The following ALDH9A1 variants were observed in gnomAD, a reference collection of about 807,000 sequenced individuals.
The protein encoded by ALDH9A1 is aldehyde dehydrogenase 9 family member A1.
A neutral mutation model predicts 56.6 loss-of-function variants in ALDH9A1; 42 were observed. The observed-to-expected ratio is 0.74, with a 90% CI of 0.58 to 0.96. The LOEUF is 0.96. Ranked by LOEUF, ALDH9A1 falls within the 40% of genes least tolerant of loss-of-function variation. The pLI is 0.00. For synonymous variants in ALDH9A1, 242 were observed against 236.0 expected, an observed-to-expected ratio of 1.03 and a Z score of -0.23; for missense variants, 661 against 651.5, an observed-to-expected ratio of 1.01 and a Z score of -0.16.
At position 165,662,366 on chromosome 1, in the gene ALDH9A1, G is replaced by C. The variant is rs1015428991; in HGVS notation, c.*684C>G. 7 of 152,388 alleles carry C rather than the reference G, an allele frequency of 4.6e-5. No individual in the cohort carries two copies. The East Asian group carries it at 1.3e-3, about 29-fold the overall frequency. 9.4% of individuals were successfully genotyped at this position (152,388 alleles called of 1,614,324 possible). ...GAGATAGATTTCCTCTATCGCAGTA[G>C]TGAACAGAGACAAAGTGCTTACTAG... On this transcript the variant is annotated 3_prime_UTR_variant, in exon 11 of 11. Coordinates refer to ENST00000354775, the MANE Select transcript of ALDH9A1 (RefSeq NM_000696.4).
Position 165,682,142 on chromosome 1 carries a change from A to G in ALDH9A1, c.557T>C (p.Ile186Thr), listed in dbSNP as rs371946171. The change falls in exon 4 of 11, where the codon ATT (isoleucine) becomes ACT (threonine). Residue 186 changes from isoleucine (I) to threonine (T), a missense_variant. Transcript: ENST00000354775. ...TGCTGGAGCCGACTTCCAAGAGGCA[A>G]TCTGAAAGGGGTAGTTCCATGCTCC... Reference protein sequence around the residue: ...GIGAWNYPFQIASWKSAPALA... With the variant: ...GIGAWNYPFQTASWKSAPALA... The G allele has an allele frequency of 6.2e-7, 1 of 1,614,040 alleles. No individual in the cohort carries two copies. Among genetic ancestry groups the G allele is most frequent in the Non-Finnish European group, 8.5e-7 (1 of 1,179,996 alleles).
Position 165,683,028 on chromosome 1 carries a change from G to A in ALDH9A1, c.410C>T (p.Ser137Phe). 3 of 1,614,096 alleles carry A rather than the reference G, an allele frequency of 1.9e-6. No individual in the cohort carries two copies. The highest frequency in any genetic ancestry group is 1.7e-6 in the Non-Finnish European group (2 of 1,179,998). Reference sequence around the variant, plus strand: ...CGCATAATACTCCAGGCACTGCCAGGAAATGTCAATGTCCAAGCGGGCCTC... The same window carrying A: ...CGCATAATACTCCAGGCACTGCCAGAAAATGTCAATGTCCAAGCGGGCCTC... The part of the protein sequence containing the change: ...IFEARLDIDI[S>F]WQCLEYYAGL... The change falls in exon 3 of 11, where the codon TCC becomes TTC. Residue 137 changes from serine to phenylalanine, a missense_variant. Ser to Phe is a radical substitution (Grantham distance 155). Transcript: ENST00000354775.
rs1168289983 is a variant in ALDH9A1, at chr1:165,662,758, A to G, written c.*292T>C. On this transcript the variant is annotated 3_prime_UTR_variant, in exon 11 of 11. Coordinates refer to ENST00000354775, the MANE Select transcript of ALDH9A1 (RefSeq NM_000696.4). ...GGGCCAAATGTGTGGAAGATGTATTATCCTAGTCTCTTTTCCTGTTCTCTA... is the reference window on the plus strand; with the variant it reads ...GGGCCAAATGTGTGGAAGATGTATTGTCCTAGTCTCTTTTCCTGTTCTCTA... The G allele has an allele frequency of 2.9e-6, 1 of 346,774 alleles. No individual in the cohort carries two copies. The highest frequency in any genetic ancestry group is 5.4e-6 in the Non-Finnish European group (1 of 185,210). 21.5% of individuals were successfully genotyped at this position (346,774 alleles called of 1,614,324 possible).
At chr1:165,677,663 C>A (rs1170378003) in intron 6 of ALDH9A1, among the ~76,000 whole-genome samples, 1 of 151,914 alleles carries the variant, frequency 6.6e-6, no homozygotes, top group Non-Finnish European at 1.5e-5. Context: ...TCCAGACCAT[C>A]CTGGCTAACA....
Position 165,670,377 on chromosome 1 carries a change from C to T in ALDH9A1, c.931-927G>A, listed in dbSNP as rs1649138256. On this transcript the variant is annotated intron_variant, in intron 6 of 10. Coordinates refer to ENST00000354775, the MANE Select transcript of ALDH9A1 (RefSeq NM_000696.4). ...GAGCCTAAGAGGTCAAGGATACACA[C>T]AGTGAACCCTGACTGCGTCACTGCA... Among the ~76,000 whole-genome samples, 2 of 151,550 alleles carry T rather than the reference C, an allele frequency of 1.3e-5. 1 individual carries two copies. Among genetic ancestry groups the T allele is most frequent in the South Asian group, 4.1e-4 (2 of 4,820 alleles).
rs146014705 is a variant in ALDH9A1, at chr1:165,667,323, A to G, written c.1335T>C (p.Ala445=). ...RANDTTFGLA[A]GVFTRDIQRA... Reference sequence around the variant, plus strand: ...ACTCCACATACCTGGTAAAGACGCCAGCTGCTAGTCCAAAAGTGGTATCAT... The same window carrying G: ...ACTCCACATACCTGGTAAAGACGCCGGCTGCTAGTCCAAAAGTGGTATCAT... The change falls in exon 9 of 11, where the codon GCT becomes GCC. Residue 445 remains alanine (A), a synonymous_variant. Transcript: ENST00000354775. The G allele has an allele frequency of 1.4e-4, 229 of 1,614,134 alleles. No individual in the cohort carries two copies. The African/African-American group carries it at 2.7e-3, about 19-fold the overall frequency.
chr1:165,688,214 C>T (rs906975284), intron 2 of ALDH9A1, among the ~76,000 whole-genome samples: 3 of 151,918 alleles, frequency 2.0e-5, no homozygotes, highest in South Asian at 2.1e-4. Context: ...CTACTCAGGA[C>T]GCTGAGGTGG....
At position 165,686,829 on chromosome 1, in the gene ALDH9A1, A is replaced by C. The variant is rs945192192; in HGVS notation, c.328-3719T>G. ...GTCTAGTGATCAAAAACTACCAGGC[A>C]TGCAAAAAGTAGAAAACCGTAACAT... On this transcript the variant is annotated intron_variant, in intron 2 of 10. Transcript: ENST00000354775. Among the ~76,000 whole-genome samples, 11 of 152,340 alleles carry C rather than the reference A, an allele frequency of 7.2e-5. No individual in the cohort carries two copies. The East Asian group carries it at 2.1e-3, about 29-fold the overall frequency.
intron 8 of ALDH9A1, 148 bp downstream of exon 8, chr1:165,668,778 G>C (rs778113944): frequency 1.4e-4 from 82 of 589,682 alleles, no homozygotes; most frequent in Non-Finnish European, 2.1e-4. Context: ...AAAGATAATG[G>C]AGCAGTTCTA....
chr1:165,668,812 C>A (rs1374384992), intron 8 of ALDH9A1, 114 bp downstream of exon 8: 2 of 788,140 alleles, frequency 2.5e-6, no homozygotes, highest in Non-Finnish European at 4.0e-6. Context: ...GGTAGTAGGA[C>A]CACATAATTT....
chr1:165,670,428 CTT>C (rs79110777), intron 6 of ALDH9A1, among the ~76,000 whole-genome samples: 14 of 147,968 alleles, frequency 9.5e-5, no homozygotes, highest in Middle Eastern at 3.5e-3. Flanking sequence ...GAGAGCGAGA[CTT>C]TTTTTTTTTT....
chr1:165,696,145 C>T (rs1326419008), intron 1 of ALDH9A1, among the ~76,000 whole-genome samples: 1 of 152,178 alleles, frequency 6.6e-6, no homozygotes, highest in Non-Finnish European at 1.5e-5. Flanking sequence ...AGCCACCACA[C>T]CCGGCCTAGC....
Position 165,663,124 on chromosome 1 carries a change from G to A in ALDH9A1, c.1483C>T (p.Arg495Cys), listed in dbSNP as rs149646148. 1.4e-5 allele frequency: 22 copies of A among 1,613,816 alleles called. No homozygotes were observed. Among genetic ancestry groups the A allele is most frequent in the South Asian group, 1.1e-4 (10 of 91,076 alleles). ...KKSGFGRENG[R>C]VTIEYYSQLK... ...TGTGAATAATATTCGATTGTCACAC[G>A]GCCGTTCTCTCTGCCAAATCCTGAA... The change falls in exon 11 of 11, where the codon CGT becomes TGT. Residue 495 changes from arginine (R) to cysteine (C), a missense_variant. By Grantham distance (180) the Arg-to-Cys change is radical. Coordinates refer to ENST00000354775, the MANE Select transcript of ALDH9A1 (RefSeq NM_000696.4).
rs1422188045 is a variant in ALDH9A1, at chr1:165,680,418, C to T, written c.789+69G>A. The T allele has an allele frequency of 9.8e-6, 15 of 1,523,896 alleles. No homozygotes were observed. The East Asian group carries it at 2.5e-4, about 25-fold the overall frequency. The allele number at this position is 1,523,896 out of a possible 1,614,324, so 94.4% of individuals were successfully genotyped here. The stretch of plus-strand genomic sequence containing the variant: ...TCAAAAGAGAAGCCTCCAAAATATA[C>T]TCTGGGTAGGACCGGATTTGCCACA... On this transcript the variant is annotated intron_variant, in intron 5 of 10. Transcript: ENST00000354775.
In ALDH9A1 at chr1:165,662,363, G is replaced by C. The variant is rs535092344; in HGVS notation, c.*687C>G. On this transcript the variant is annotated 3_prime_UTR_variant, in exon 11 of 11. Transcript: ENST00000354775. ...AGGGAGATAGATTTCCTCTATCGCA[G>C]TAGTGAACAGAGACAAAGTGCTTAC... 6.6e-6 allele frequency: 1 copy of C among 152,378 alleles called. No homozygotes were observed. Among genetic ancestry groups the C allele is most frequent in the African/African-American group, 2.4e-5 (1 of 41,572 alleles). 9.4% of individuals were successfully genotyped at this position (152,378 alleles called of 1,614,324 possible).
In ALDH9A1 at chr1:165,663,732, C is replaced by T. The variant is rs142248749; in HGVS notation, c.1463-588G>A. Among the ~76,000 whole-genome samples, 3 of 152,370 alleles carry T rather than the reference C, an allele frequency of 2.0e-5. No homozygotes were observed. The East Asian group carries it at 5.8e-4, about 29-fold the overall frequency. ...ACCCTGTGCTAGACTTAGGTAGGCT[C>T]TGCCTTCCAAGGGCAAGGCCGAGGT... On this transcript the variant is annotated intron_variant, in intron 10 of 10. Coordinates refer to ENST00000354775, the MANE Select transcript of ALDH9A1 (RefSeq NM_000696.4).
chr1:165,683,972 C>T (rs573190091), intron 2 of ALDH9A1, among the ~76,000 whole-genome samples: 2 of 152,200 alleles, frequency 1.3e-5, no homozygotes, highest in African/African-American at 4.8e-5. Context: ...AAAGATTAAG[C>T]AACTGACAAG....
chr1:165,680,950 G>C (rs1161337263), intron 4 of ALDH9A1, among the ~76,000 whole-genome samples: 1 of 152,194 alleles, frequency 6.6e-6, no homozygotes, highest in East Asian at 1.9e-4. Context: ...GGAGGTGAAA[G>C]TCACTTCTTA....
intron 8 of ALDH9A1, among the ~76,000 whole-genome samples, 166 bp from the exon 9 acceptor site, chr1:165,667,616 T>C (rs1003901912): frequency 1.3e-5 from 2 of 152,072 alleles, no homozygotes; most frequent in East Asian, 1.9e-4. Context: ...GCTGGGGGTG[T>C]TCCACTGCAC....
Sources: allele counts gnomAD v4.1 joint callset (sites outside exome capture counted in the v4.1 genomes callset), GRCh38; gene constraint gnomAD v4.1.1; transcripts MANE v1.5; gene names NCBI Gene and HGNC (gene_info 2026-07-23, HGNC 2026-07-21).